Variants in CACNA1E observed in about 807,000 individuals in gnomAD.
The protein encoded by CACNA1E is voltage-dependent R-type calcium channel subunit alpha-1E.
Under a neutral mutation model 259.2 loss-of-function variants are expected in CACNA1E, and 40 were observed. The observed-to-expected ratio is 0.15, with a 90% CI of 0.12 to 0.20. The LOEUF is 0.20. Among genes scored for constraint, CACNA1E ranks in the 10% least tolerant of loss-of-function variants. CACNA1E has a pLI of 1.00. For missense variants in CACNA1E, 1,874 were observed against 3,040.1 expected, an observed-to-expected ratio of 0.62 and a Z score of 9.02; for synonymous variants, 1,104 against 1,138.5, an observed-to-expected ratio of 0.97 and a Z score of 0.61.
chr1:181,499,767 A>G (rs1665085974), intron 1 of CACNA1E, among the ~76,000 whole-genome samples: 2 of 152,214 alleles, frequency 1.3e-5, no homozygotes, highest in South Asian at 4.1e-4. Context: ...CTTAATTTTG[A>G]AAAGCTTTCC....
chr1:181,584,205 C>T (rs1651829813), intron 6 of CACNA1E, among the ~76,000 whole-genome samples: 1 of 152,220 alleles, frequency 6.6e-6, no homozygotes, highest in South Asian at 2.1e-4. Flanking sequence ...TTACTCACAT[C>T]TTTGCTCCTG....
At chr1:181,663,589 C>T (rs1647905510) in intron 7 of CACNA1E, among the ~76,000 whole-genome samples, 1 of 152,176 alleles carries the variant, frequency 6.6e-6, no homozygotes, top group Non-Finnish European at 1.5e-5. Context: ...CCATGCCCCC[C>T]TATGACCTCC....
intron 6 of CACNA1E, among the ~76,000 whole-genome samples, chr1:181,646,338 C>T (rs894925930): frequency 7.2e-5 from 11 of 152,190 alleles, no homozygotes; most frequent in Admixed American, 7.2e-4. Context: ...CACAGGAGAG[C>T]CCCCACCAAA....
chr1:181,410,521 C>T (rs185011763), intron 1 of CACNA1E, among the ~76,000 whole-genome samples: 14 of 152,254 alleles, frequency 9.2e-5, no homozygotes, highest in South Asian at 6.2e-4. Context: ...GCTCCAGGGG[C>T]GTCCGAGTCT....
At chr1:181,754,802 A>G (rs1479869845) in intron 27 of CACNA1E, among the ~76,000 whole-genome samples, 2 of 152,268 alleles carry the variant, frequency 1.3e-5, no homozygotes, top group East Asian at 3.8e-4. Context: ...AACAATACAT[A>G]ATCAGTATAT....
rs1652320608 is a variant in CACNA1E, at chr1:181,343,332, A to G, written c.-15+25209A>G. On this transcript the variant is annotated intron_variant, in intron 1 of 11. Transcript: ENST00000524607. The stretch of plus-strand genomic sequence containing the variant: ...GGGCGTAGGGGGAGATGTTTGGGTC[A>G]TAAGGATCGATTCCTCATGAGCAGC... 2.6e-5 allele frequency among the ~76,000 whole-genome samples: 4 copies of G among 152,260 alleles called. 1 individual carries two copies. The South Asian group carries it at 6.2e-4, about 24-fold the overall frequency.
At chr1:181,510,421 A>C in intron 1 of CACNA1E, 56 bp from the exon 2 acceptor site, 1 of 1,170,908 alleles carries the variant, frequency 8.5e-7, no homozygotes, top group South Asian at 1.2e-5. Context: ...GGGCACGGCC[A>C]TCTTGGAGGC....
chr1:181,512,405 G>T (rs1392732110), intron 3 of CACNA1E, among the ~76,000 whole-genome samples: 1 of 152,158 alleles, frequency 6.6e-6, no homozygotes, highest in Non-Finnish European at 1.5e-5. Flanking sequence ...TGGCAGACAG[G>T]GTTCAAACCC....
intron 1 of CACNA1E, among the ~76,000 whole-genome samples, chr1:181,392,769 A>G (rs1191174530): frequency 6.6e-6 from 1 of 152,218 alleles, no homozygotes; most frequent in Non-Finnish European, 1.5e-5. Context: ...GTGACTCATG[A>G]AGAGAAGGGA....
At chr1:181,581,342 G>C (rs1481757551) in intron 6 of CACNA1E, among the ~76,000 whole-genome samples, 1 of 152,220 alleles carries the variant, frequency 6.6e-6, no homozygotes, top group East Asian at 1.9e-4. Context: ...TGTAGCCACT[G>C]TCAAGAACTA....
chr1:181,747,501 A>G (rs1264091387), intron 25 of CACNA1E, among the ~76,000 whole-genome samples: 1 of 151,392 alleles, frequency 6.6e-6, no homozygotes, highest in African/African-American at 2.4e-5. Context: ...TACCAAATAA[A>G]TAGAAAATAA....
At chr1:181,440,983 C>CAAAAAAAAAAAAAAAA (rs60257271) in intron 2 of CACNA1E, among the ~76,000 whole-genome samples, 1 of 38,170 alleles carries the variant, frequency 2.6e-5, no homozygotes, top group African/African-American at 9.9e-5. Context: ...GACCTTGTTT[C>CAAAAAAAAAAAAAAAA]AAAAAAAAAA....
At chr1:181,610,573 G>A (rs915520111) in intron 6 of CACNA1E, among the ~76,000 whole-genome samples, 1 of 152,170 alleles carries the variant, frequency 6.6e-6, no homozygotes, top group African/African-American at 2.4e-5. Flanking sequence ...TGTTTCTTAT[G>A]CTTAAGTTTG....
chr1:181,667,341 T>A (rs1648335313), intron 7 of CACNA1E, among the ~76,000 whole-genome samples: 2 of 152,160 alleles, frequency 1.3e-5, no homozygotes, highest in South Asian at 4.1e-4. Flanking sequence ...GAAGATCACC[T>A]AGTATATGAT....
chr1:181,572,647 C>T (rs1411483426), intron 3 of CACNA1E, among the ~76,000 whole-genome samples: 1 of 152,142 alleles, frequency 6.6e-6, no homozygotes, highest in African/African-American at 2.4e-5. Context: ...TCTTGAGGAG[C>T]ACAGATATAT....
At chr1:181,678,525 G>A (rs183252081) in intron 7 of CACNA1E, among the ~76,000 whole-genome samples, 3 of 152,160 alleles carry the variant, frequency 2.0e-5, no homozygotes, top group African/African-American at 7.2e-5. Context: ...TATCTAACAT[G>A]TATGTATCTA....
intron 2 of CACNA1E, among the ~76,000 whole-genome samples, chr1:181,454,482 CAG>C (rs1218571613): frequency 6.6e-6 from 1 of 152,140 alleles, no homozygotes; most frequent in Non-Finnish European, 1.5e-5. Context: ...AAAGGCAAAT[CAG>C]GGGGTGGCCC....
chr1:181,673,238 GTGTGT>G (rs1648995024), intron 7 of CACNA1E, among the ~76,000 whole-genome samples: 1 of 133,272 alleles, frequency 7.5e-6, no homozygotes, highest in Non-Finnish European at 1.7e-5. Context: ...GTGTGTGTGT[GTGTGT>G]ATTTTTCCCC....
chr1:181,708,670 G>T (rs778333501), intron 7 of CACNA1E, among the ~76,000 whole-genome samples: 10 of 152,194 alleles, frequency 6.6e-5, no homozygotes, highest in Non-Finnish European at 1.2e-4. Context: ...AAGGACTTGG[G>T]CTCTTACAAG....
Sources: allele counts gnomAD v4.1 joint callset (sites outside exome capture counted in the v4.1 genomes callset), GRCh38; gene constraint gnomAD v4.1.1; transcripts MANE v1.5; gene names NCBI Gene and HGNC (gene_info 2026-07-23, HGNC 2026-07-21).